Variants in TBC1D5 observed in about 807,000 individuals in gnomAD.
TBC1D5 encodes TBC1 domain family member 5, also known as TBC1 domain family, member 5.
Under a neutral mutation model 100.3 loss-of-function variants are expected in TBC1D5, and 75 were observed. That is an observed-to-expected ratio of 0.75 (90% CI 0.62 to 0.91). The LOEUF is 0.91. Ranked by LOEUF, TBC1D5 falls within the 40% of genes least tolerant of loss-of-function variation. TBC1D5 has a pLI of 0.00. For synonymous variants in TBC1D5, 323 were observed against 325.6 expected (o/e 0.99, Z 0.09); for missense variants, 910 against 942.4 (o/e 0.97, Z 0.45).
intron 1 of TBC1D5, among the ~76,000 whole-genome samples, chr3:17,687,595 A>T (rs2153821424): frequency 6.6e-6 from 1 of 152,232 alleles, no homozygotes; most frequent in Middle Eastern, 3.4e-3. Flanking sequence ...TCCAACTATA[A>T]GGGGCCCAAG....
At chr3:17,535,760 A>C (rs1363276067) in intron 2 of TBC1D5, among the ~76,000 whole-genome samples, 1 of 152,168 alleles carries the variant, frequency 6.6e-6, no homozygotes, top group Non-Finnish European at 1.5e-5. Flanking sequence ...CACATAAAAA[A>C]TCCAGTGCTC....
chr3:17,347,197 T>C (rs1332257859), intron 13 of TBC1D5, among the ~76,000 whole-genome samples: 5 of 152,154 alleles, frequency 3.3e-5, no homozygotes, highest in Admixed American at 2.0e-4. Context: ...ACTATGTGAA[T>C]TGGATATGTT....
chr3:17,357,865 GA>G (rs1221644442), intron 13 of TBC1D5, among the ~76,000 whole-genome samples: 2 of 152,156 alleles, frequency 1.3e-5, no homozygotes, highest in South Asian at 4.1e-4. Context: ...AACAGGTATA[GA>G]AAAGATACTT....
intron 2 of TBC1D5, among the ~76,000 whole-genome samples, chr3:17,518,750 C>T (rs925578521): frequency 2.0e-5 from 3 of 152,232 alleles, no homozygotes; most frequent in African/African-American, 7.2e-5. Context: ...ACACTTAAGC[C>T]GTCTGCAAAG....
chr3:17,387,439 T>G (rs1255649065), intron 8 of TBC1D5, among the ~76,000 whole-genome samples: 1 of 152,030 alleles, frequency 6.6e-6, no homozygotes, highest in South Asian at 2.1e-4. Context: ...GCTCTGAAGG[T>G]TGATGAATAT....
intron 3 of TBC1D5, among the ~76,000 whole-genome samples, chr3:17,440,207 G>T (rs1415623672): frequency 6.6e-6 from 1 of 152,032 alleles, no homozygotes; most frequent in East Asian, 1.9e-4. Flanking sequence ...TGAATGAGGG[G>T]GTGGATAAGT....
At chr3:17,627,270 A>T (rs2063136355) in intron 1 of TBC1D5, among the ~76,000 whole-genome samples, 1 of 152,206 alleles carries the variant, frequency 6.6e-6, no homozygotes, top group Non-Finnish European at 1.5e-5. Context: ...GCGGACAGAC[A>T]GTGGCAAGAC....
intron 3 of TBC1D5, among the ~76,000 whole-genome samples, chr3:17,463,943 CTTTTTTTTTTTTTT>C (rs1025162858): frequency 3.4e-5 from 3 of 87,512 alleles, no homozygotes; most frequent in African/African-American, 1.4e-4. Context: ...TTCCTTATTC[CTTTTTTTTTTTTTT>C]TTTTTTTTTT....
intron 15 of TBC1D5, among the ~76,000 whole-genome samples, chr3:17,279,430 G>C (rs2080347008): frequency 6.6e-6 from 1 of 152,190 alleles, no homozygotes; most frequent in Non-Finnish European, 1.5e-5. Context: ...AGAGACCTCA[G>C]AGGTGATCGC....
intron 1 of TBC1D5, among the ~76,000 whole-genome samples, chr3:17,715,288 G>A (rs1186929248): frequency 6.6e-6 from 1 of 152,116 alleles, no homozygotes; most frequent in Non-Finnish European, 1.5e-5. Flanking sequence ...CAGTACTCTA[G>A]AGAATACTCG....
intron 13 of TBC1D5, among the ~76,000 whole-genome samples, chr3:17,327,445 T>C (rs1287343933): frequency 6.6e-6 from 1 of 152,226 alleles, no homozygotes; most frequent in Non-Finnish European, 1.5e-5. Context: ...AACCTAGTTG[T>C]ACCCTTTGAC....
chr3:17,682,196 C>T (rs887159469), intron 1 of TBC1D5, among the ~76,000 whole-genome samples: 4 of 151,260 alleles, frequency 2.6e-5, no homozygotes, highest in Non-Finnish European at 4.4e-5. Flanking sequence ...GCTGTAATCC[C>T]AGCATTTTGG....
At chr3:17,572,314 AAAG>A (rs2096632128) in intron 2 of TBC1D5, among the ~76,000 whole-genome samples, 1 of 151,896 alleles carries the variant, frequency 6.6e-6, no homozygotes, top group African/African-American at 2.4e-5. Context: ...TAAAAAAAAA[AAAG>A]AGCCCTCCTC....
At chr3:17,685,256 C>CT (rs772885102) in intron 1 of TBC1D5, among the ~76,000 whole-genome samples, 8 of 151,888 alleles carry the variant, frequency 5.3e-5, no homozygotes, top group African/African-American at 9.7e-5. Context: ...AGAGCTGATA[C>CT]TTTAATTTTC....
intron 13 of TBC1D5, among the ~76,000 whole-genome samples, chr3:17,350,539 C>G (rs1290713932): frequency 6.6e-6 from 1 of 152,120 alleles, no homozygotes. Flanking sequence ...ATGATTTCTC[C>G]TTTTTTACAA....
intron 2 of TBC1D5, among the ~76,000 whole-genome samples, chr3:17,596,146 G>C (rs1010928612): frequency 7.9e-5 from 12 of 152,082 alleles, no homozygotes; most frequent in Non-Finnish European, 1.0e-4. Flanking sequence ...CATCAGAAAA[G>C]TCAGAGGCCA....
chr3:17,251,262 C>T (rs1363828614), intron 16 of TBC1D5, among the ~76,000 whole-genome samples: 1 of 152,126 alleles, frequency 6.6e-6, no homozygotes, highest in African/African-American at 2.4e-5. Flanking sequence ...TGTTAAGCTA[C>T]TTAAGGCCTA....
chr3:17,621,252 C>T (rs367666241), intron 2 of TBC1D5, among the ~76,000 whole-genome samples: 2 of 152,132 alleles, frequency 1.3e-5, no homozygotes, highest in African/African-American at 4.8e-5. Context: ...TGTATAAATA[C>T]AGATGCATGT....
chr3:17,636,160 C>T (rs1394862671), intron 1 of TBC1D5, among the ~76,000 whole-genome samples: 2 of 151,786 alleles, frequency 1.3e-5, no homozygotes, highest in Non-Finnish European at 2.9e-5. Flanking sequence ...GTACTCTAGC[C>T]TGGGTGATAG....
Sources: gnomAD v4.1 joint callset for allele counts (sites outside exome capture counted in the v4.1 genomes callset) on GRCh38, gnomAD v4.1.1 for gene constraint, MANE v1.5 for transcripts, NCBI Gene and HGNC (gene_info 2026-07-23, HGNC 2026-07-21) for gene names.